NUP58: variants seen among roughly 807,000 people sequenced by gnomAD.
NUP58 encodes the protein nucleoporin 58.
In NUP58, 17 loss-of-function variants were observed where a neutral mutation model predicts 70.1. That is an observed-to-expected ratio of 0.24 (90% CI 0.17 to 0.36). The LOEUF is 0.36. NUP58 is among the 10% of genes least tolerant of loss of function. The pLI, the probability that NUP58 is intolerant of heterozygous loss-of-function variation, is 1.00. For missense variants in NUP58, 644 were observed against 701.5 expected (o/e 0.92, Z 0.93); for synonymous variants, 275 against 257.6 (o/e 1.07, Z -0.65).
intron 4 of NUP58, 107 bp downstream of exon 4, chr13:25,313,139 A>C: frequency 7.6e-7 from 1 of 1,322,058 alleles, no homozygotes; most frequent in East Asian, 2.4e-5. Context: ...TTTATAAAGA[A>C]GAAAATTCAG....
rs57949265 is a variant in NUP58 at position 25,331,819 on chromosome 13, T to G, written c.1435+261T>G. On this transcript the variant is annotated intron_variant, in intron 13 of 15. Coordinates refer to ENST00000381736, the MANE Select transcript of NUP58 (RefSeq NM_014089.4). ...ATTTGCTGTAATGCTATAAATGCCCTTTAGAACATGGTGTTTCACTAGTGA... is the reference window on the plus strand; with the variant it reads ...ATTTGCTGTAATGCTATAAATGCCCGTTAGAACATGGTGTTTCACTAGTGA... 1.4e-3 allele frequency: 1,749 copies of G among 1,276,724 alleles called. 10 individuals carry two copies. In the African/African-American group the frequency reaches 0.019, roughly 14 times the overall value. The allele number at this position is 1,276,724 out of a possible 1,614,324, so 79.1% of individuals were successfully genotyped here.
exon 4 of NUP58, chr13:25,349,753 A>T (rs1367467928): frequency 6.6e-6 from 1 of 152,376 alleles, no homozygotes; most frequent in African/African-American, 2.4e-5. Flanking sequence ...TTTGATCAAG[A>T]TGTTTAGAAT....
chr13:25,327,649 C>G, intron 12 of NUP58, 137 bp downstream of exon 12: 1 of 539,816 alleles, frequency 1.9e-6, no homozygotes, highest in Admixed American at 3.7e-5. Context: ...TACTATAATC[C>G]ATAACATACC....
intron 10 of NUP58, 109 bp downstream of exon 10, chr13:25,325,177 C>A: frequency 1.4e-6 from 1 of 733,360 alleles, no homozygotes; most frequent in Non-Finnish European, 2.2e-6. Flanking sequence ...AAAGGCTGAG[C>A]CAATAAGCAC....
chr13:25,319,719 T>C (rs2031099445), intron 7 of NUP58, among the ~76,000 whole-genome samples: 1 of 152,156 alleles, frequency 6.6e-6, no homozygotes, highest in Non-Finnish European at 1.5e-5. Context: ...TCTCGTTTTA[T>C]GTCCTGGTGT....
At chr13:25,305,141 T>TGTTTGTTTGTTTG (rs371774112) in intron 1 of NUP58, among the ~76,000 whole-genome samples, 1 of 118,812 alleles carries the variant, frequency 8.4e-6, no homozygotes, top group Non-Finnish European at 1.6e-5. Context: ...TTTTTTTTTT[T>TGTTTGTTTGTTTG]TTTTTTTTTT....
At position 25,331,368 on chromosome 13, in the gene NUP58, A is replaced by G; in HGVS notation, c.1245A>G (p.Glu415=). 1 of 1,614,070 alleles carries G rather than the reference A, an allele frequency of 6.2e-7. No individual in the cohort carries two copies. Among genetic ancestry groups the G allele is most frequent in the Non-Finnish European group, 8.5e-7 (1 of 1,179,952 alleles). ...TATTATTCTTTTAGGTTCTGAAAGA[A>G]CAGTACCTTGGCTACAGGAAAATGT... ...SIHENVKVLK[E]QYLGYRKMFL... Residue 415 remains glutamate, a synonymous_variant, in exon 13 of 16, where the codon GAA becomes GAG. Transcript: ENST00000381736.
At chr13:25,328,860 C>T (rs1039453397) in intron 12 of NUP58, among the ~76,000 whole-genome samples, 1 of 152,116 alleles carries the variant, frequency 6.6e-6, no homozygotes, top group African/African-American at 2.4e-5. Context: ...GCAGCGAAAC[C>T]TGAGTCTAGA....
chr13:25,343,807 A>ATG (rs1368396517), downstream of NUP58, among the ~76,000 whole-genome samples: 4 of 35,770 alleles, frequency 1.1e-4, no homozygotes, highest in East Asian at 7.9e-4. Flanking sequence ...ATATATATGT[A>ATG]TATATATATA....
chr13:25,305,057 T>C (rs559338481), intron 1 of NUP58, among the ~76,000 whole-genome samples: 10 of 152,250 alleles, frequency 6.6e-5, no homozygotes, highest in Admixed American at 6.5e-4. Flanking sequence ...GTGATCTCAC[T>C]TAGTTTTGAT....
rs745929499 is a variant in NUP58 at position 25,301,835 on chromosome 13, G to C, written c.62G>C (p.Gly21Ala). The change falls in exon 1 of 16, where the codon GGG (glycine) becomes GCG (alanine). Residue 21 changes from glycine (G) to alanine (A), a missense_variant. By Grantham distance (60) the Gly-to-Ala change is moderately conservative. Transcript: ENST00000381736. ...GGCTCCACCACCGTGGCCGCCGGCG[G>C]GACCAGCACAGGCGGCGTTTTCTCC... ...TLGSTTVAAGGTSTGGVFSFG... is the reference protein window; with the variant it reads ...TLGSTTVAAGATSTGGVFSFG... 1 of 1,613,586 alleles carries C rather than the reference G, an allele frequency of 6.2e-7. No homozygotes were observed. Among genetic ancestry groups the C allele is most frequent in the Non-Finnish European group, 8.5e-7 (1 of 1,179,852 alleles).
At chr13:25,329,934 C>T (rs1009809000) in intron 12 of NUP58, among the ~76,000 whole-genome samples, 6 of 152,074 alleles carry the variant, frequency 3.9e-5, no homozygotes, top group South Asian at 2.1e-4. Flanking sequence ...GCGATCCTCC[C>T]GCCTCAGGCT....
In NUP58 at chr13:25,331,653, A is replaced by T. The variant is rs1350076158; in HGVS notation, c.1435+95A>T. On this transcript the variant is annotated intron_variant, in intron 13 of 15. Coordinates refer to ENST00000381736, the MANE Select transcript of NUP58 (RefSeq NM_014089.4). The stretch of plus-strand genomic sequence containing the variant: ...CTTCCATTTGTGTGAGCACTGAAGA[A>T]ATTTCTATGAGTAGCTGTTCCAATA... 2.0e-6 allele frequency: 3 copies of T among 1,512,502 alleles called. No individual in the cohort carries two copies. The Admixed American group carries it at 6.3e-5, about 32-fold the overall frequency. 93.7% of individuals were successfully genotyped at this position (1,512,502 alleles called of 1,614,324 possible).
intron 2 of NUP58, 71 bp from the exon 3 acceptor site, chr13:25,309,176 C>T (rs1348133401): frequency 1.7e-6 from 2 of 1,185,600 alleles, no homozygotes; most frequent in Admixed American, 1.7e-5. Flanking sequence ...AAGTCTTTCC[C>T]TTATGACAGG....
chr13:25,320,932 G>T lies in NUP58; in HGVS notation c.790G>T (p.Glu264Ter). 6.4e-7 allele frequency: 1 copy of T among 1,552,018 alleles called. No individual in the cohort carries two copies. The highest frequency in any genetic ancestry group is 1.2e-5 in the South Asian group (1 of 80,190). Residue 264 changes from glutamate (E) to a stop codon, truncating the protein, a stop_gained, in exon 9 of 16, where the codon GAG becomes TAG. Transcript: ENST00000381736. LOFTEE classifies it high-confidence loss of function. ...TATATTTTTTAGGAAATTTGTGAAG[G>T]AGCAGAAACAAGTTCAAGAAGAAAT... ...DVENLQKFVKEQKQVQEEISR... is the reference protein window; with the variant it reads ...DVENLQKFVK
chr13:25,343,805 GTATATATATA>G (rs59054918), downstream of NUP58, among the ~76,000 whole-genome samples: 1 of 137,654 alleles, frequency 7.3e-6, no homozygotes, highest in East Asian at 2.2e-4. Flanking sequence ...ACATATATAT[GTATATATATA>G]TATATATATA....
At chr13:25,302,764 G>A (rs978257288) in intron 1 of NUP58, among the ~76,000 whole-genome samples, 1 of 152,172 alleles carries the variant, frequency 6.6e-6, no homozygotes, top group African/African-American at 2.4e-5. Flanking sequence ...AAATACTTAA[G>A]CATGACCTGC....
intron 14 of NUP58, among the ~76,000 whole-genome samples, chr13:25,337,985 G>C (rs1212460969): frequency 6.6e-6 from 1 of 152,118 alleles, no homozygotes; most frequent in Admixed American, 6.5e-5. Flanking sequence ...CATGAACTTT[G>C]TGTGATGAAA....
intron 6 of NUP58, chr13:25,317,814 C>A (rs74643320): frequency 6.0e-5 from 9 of 149,734 alleles, no homozygotes; most frequent in African/African-American, 2.2e-4. Flanking sequence ...AAGTAAAACC[C>A]CATGTGCAGA....
Sources: allele counts gnomAD v4.1 joint callset (sites outside exome capture counted in the v4.1 genomes callset), GRCh38; gene constraint gnomAD v4.1.1; transcripts MANE v1.5; gene names NCBI Gene and HGNC (gene_info 2026-07-23, HGNC 2026-07-21).